The following AMZ2 variants were observed in gnomAD, a reference collection of about 807,000 sequenced individuals.
The protein encoded by AMZ2 is archaelysin family metallopeptidase 2.
A neutral mutation model predicts 36.7 loss-of-function variants in AMZ2; 26 were observed. The ratio of observed to expected loss-of-function variants is 0.71; its 90% CI spans 0.52 to 0.98. The LOEUF is 0.98. Among genes scored for constraint, AMZ2 ranks in the 50% least tolerant of loss-of-function variants. The probability of loss-of-function intolerance (pLI) is 0.00; values close to 1 mark genes in which losing one functional copy is unlikely to be tolerated. For synonymous variants in AMZ2, 144 were observed against 149.1 expected, an observed-to-expected ratio of 0.97 and a Z score of 0.25; for missense variants, 394 against 430.5, an observed-to-expected ratio of 0.92 and a Z score of 0.75.
At chr17:68,245,230 A>C (rs2073977413), upstream of AMZ2, among the ~76,000 whole-genome samples, 1 of 150,166 alleles carries the variant, frequency 6.7e-6, no homozygotes, top group African/African-American at 2.4e-5. Context: ...ACCCCCCCGA[A>C]GCACTAAGGT....
At chr17:68,255,373 A>C (rs564250143) in intron 5 of AMZ2, among the ~76,000 whole-genome samples, 5 of 152,294 alleles carry the variant, frequency 3.3e-5, no homozygotes, top group African/African-American at 1.2e-4. Context: ...TTTCACAATC[A>C]GGGAGGGAGT....
At chr17:68,228,531 T>C (rs2362729) in intron 1 of AMZ2, among the ~76,000 whole-genome samples, 84,365 of 152,062 alleles carry the variant, frequency 0.55, 24,783 homozygotes, top group African/African-American at 0.76. Context: ...CTCCCCTCCT[T>C]GGGAGGCTGC....
intron 1 of AMZ2, among the ~76,000 whole-genome samples, chr17:68,209,604 G>GTGTATATATATA (rs1324576987): frequency 8.5e-6 from 1 of 117,756 alleles, no homozygotes; most frequent in African/African-American, 3.6e-5. Context: ...GTGTGTGTGT[G>GTGTATATATATA]TATATGTATA....
chr17:68,250,067 A>G (rs2074330380), intron 1 of AMZ2, 121 bp from the exon 2 acceptor site: 2 of 1,085,692 alleles, frequency 1.8e-6, no homozygotes, highest in East Asian at 5.0e-5. Context: ...TGACCACTCT[A>G]AAGCATTAGC....
chr17:68,250,132 A>G, intron 1 of AMZ2, 56 bp from the exon 2 acceptor site: 1 of 1,542,996 alleles, frequency 6.5e-7, no homozygotes, highest in Non-Finnish European at 8.8e-7. Flanking sequence ...AGGATAGGTA[A>G]AGTCCCCAAT....
chr17:68,248,945 A>G (rs2074232031), intron 1 of AMZ2: 1 of 725,076 alleles, frequency 1.4e-6, no homozygotes, highest in East Asian at 5.2e-5. Flanking sequence ...CAAAATCTAA[A>G]TAATTAGAAA....
At chr17:68,250,085 C>T in intron 1 of AMZ2, 103 bp from the exon 2 acceptor site, 4 of 1,260,064 alleles carry the variant, frequency 3.2e-6, no homozygotes, top group Non-Finnish European at 4.4e-6. Flanking sequence ...AGCAATCAGT[C>T]ATTTCACTCT....
At chr17:68,212,421 A>G (rs560332505) in intron 1 of AMZ2, among the ~76,000 whole-genome samples, 83 of 152,252 alleles carry the variant, frequency 5.5e-4, no homozygotes, top group African/African-American at 1.9e-3. Flanking sequence ...CTGTGATCCC[A>G]ACACTTTGGG....
rs1481539933 is a variant in AMZ2 at position 68,239,969 on chromosome 17, A to G, written c.-66-8671A>G. Reference sequence around the variant, plus strand: ...ATAGAGAAATACGAAAAGACATTTTATCCATGAAATGAGAGGGTGTATTTT... The same window carrying G: ...ATAGAGAAATACGAAAAGACATTTTGTCCATGAAATGAGAGGGTGTATTTT... On this transcript the variant is annotated intron_variant, in intron 1 of 7. Coordinates refer to the AMZ2 transcript ENST00000674770. 5.2e-5 allele frequency among the ~76,000 whole-genome samples: 8 copies of G among 152,386 alleles called. No homozygotes were observed. The East Asian group carries it at 5.8e-4, about 11-fold the overall frequency.
chr17:68,227,170 C>G (rs1444236733), intron 1 of AMZ2, among the ~76,000 whole-genome samples: 4 of 152,190 alleles, frequency 2.6e-5, no homozygotes, highest in African/African-American at 7.2e-5. Flanking sequence ...TGGTGTCACA[C>G]CCATCTCAGC....
At chr17:68,223,882 A>ATT (rs150573319) in intron 1 of AMZ2, among the ~76,000 whole-genome samples, 47,676 of 142,072 alleles carry the variant, frequency 0.34, 8,172 homozygotes, top group African/African-American at 0.47. Flanking sequence ...CACCCAGCTA[A>ATT]TTTATATATA....
At chr17:68,208,000 G>A (rs2072894418) in intron 1 of AMZ2, among the ~76,000 whole-genome samples, 1 of 152,172 alleles carries the variant, frequency 6.6e-6, no homozygotes, top group Non-Finnish European at 1.5e-5. Context: ...TTAGCACCTG[G>A]GCCAGCAGCT....
intron 1 of AMZ2, among the ~76,000 whole-genome samples, chr17:68,213,825 T>C (rs11077355): frequency 0.22 from 33,698 of 149,814 alleles, 4,071 homozygotes; most frequent in South Asian, 0.28. Context: ...CTCTTTTTCT[T>C]TTTGGGGTAT....
chr17:68,238,081 G>A (rs1298511272), intron 1 of AMZ2, among the ~76,000 whole-genome samples: 1 of 152,114 alleles, frequency 6.6e-6, no homozygotes, highest in African/African-American at 2.4e-5. Context: ...ATTTCAAACC[G>A]AGCTACAGTG....
chr17:68,248,498 C>A lies in AMZ2; in HGVS notation c.-208C>A. 2 of 986,146 alleles carry A rather than the reference C, an allele frequency of 2.0e-6. No homozygotes were observed. Among genetic ancestry groups the A allele is most frequent in the South Asian group, 9.4e-5 (2 of 21,294 alleles). 61.1% of individuals were successfully genotyped at this position (986,146 alleles called of 1,614,324 possible). ...AGCATCCTAGGCCTCCAGCCCACTG[C>A]AGTGACCGAATTCTGCGCCCCCTGC... is the stretch of plus-strand genomic sequence containing the variant. On this transcript the variant is annotated 5_prime_UTR_variant, in exon 1 of 7. Coordinates refer to ENST00000359904, the MANE Select transcript of AMZ2 (RefSeq NM_016627.5).
chr17:68,232,201 AG>A (rs1325968894), intron 1 of AMZ2, among the ~76,000 whole-genome samples: 3 of 151,712 alleles, frequency 2.0e-5, no homozygotes, highest in Non-Finnish European at 2.9e-5. Context: ...CGTGCCAATC[AG>A]AAAGGGGGTT....
chr17:68,221,137 C>T (rs1332905858), intron 1 of AMZ2, among the ~76,000 whole-genome samples: 9 of 148,402 alleles, frequency 6.1e-5, no homozygotes, highest in African/African-American at 2.0e-4. Context: ...GGGTGGAGTG[C>T]AGAAGTGGGA....
At chr17:68,226,709 T>G (rs2073525328) in intron 1 of AMZ2, among the ~76,000 whole-genome samples, 1 of 152,160 alleles carries the variant, frequency 6.6e-6, no homozygotes, top group Non-Finnish European at 1.5e-5. Context: ...AGTTTAATTC[T>G]GGACAGTGGT....
In AMZ2 at chr17:68,248,294, G is replaced by A. The variant is rs1195435508; in HGVS notation, c.-412G>A. The A allele has an allele frequency of 1.0e-6, 1 of 985,780 alleles. No homozygotes were observed. Among genetic ancestry groups the A allele is most frequent in the Non-Finnish European group, 1.2e-6 (1 of 830,126 alleles). 61.1% of individuals were successfully genotyped at this position (985,780 alleles called of 1,614,324 possible). A position where few individuals can be genotyped will look rare whatever the true frequency, so the allele number is the denominator to read the frequency against. On this transcript the variant is annotated 5_prime_UTR_variant, in exon 1 of 7. Transcript: ENST00000359904. Reference sequence around the variant, plus strand: ...CTAGGGAGCCAGGGAGGCCTTTCCCGAGGCTCCTGGGGAAGAAGAGGCGAA... The same window carrying A: ...CTAGGGAGCCAGGGAGGCCTTTCCCAAGGCTCCTGGGGAAGAAGAGGCGAA...
Sources: allele counts gnomAD v4.1 joint callset (sites outside exome capture counted in the v4.1 genomes callset), GRCh38; gene constraint gnomAD v4.1.1; transcripts MANE v1.5; gene names NCBI Gene and HGNC (gene_info 2026-07-23, HGNC 2026-07-21).